The following IL1RAPL1 variants were observed in gnomAD, a reference collection of about 807,000 sequenced individuals.
The protein encoded by IL1RAPL1 is interleukin 1 receptor accessory protein like 1, also known as interleukin-1 receptor accessory protein-like 1.
IL1RAPL1 carries 3 observed loss-of-function variants against 48.4 expected under a neutral mutation model. The observed-to-expected ratio is 0.06, with a 90% confidence interval of 0.03 to 0.16. The LOEUF is 0.16. Among genes scored for constraint, IL1RAPL1 ranks in the 10% least tolerant of loss-of-function variants. The pLI, the probability that IL1RAPL1 is intolerant of heterozygous loss-of-function variation, is 1.00. For synonymous variants in IL1RAPL1, 185 were observed against 187.7 expected (o/e 0.99, Z 0.12); for missense variants, 349 against 530.6 (o/e 0.66, Z 3.36).
chrX:29,671,815 C>T lies in IL1RAPL1; in HGVS notation c.778+3311C>T, dbSNP rs191973150. The stretch of plus-strand genomic sequence containing the variant: ...GGACAGAGAGCATATTCTATCGCTA[C>T]CAGACTTTCAAAGAGTAGAAATCCA... On this transcript the variant is annotated intron_variant, in intron 6 of 10. Coordinates refer to ENST00000378993, the MANE Select transcript of IL1RAPL1 (RefSeq NM_014271.4). 4.5e-5 allele frequency among the ~76,000 whole-genome samples: 5 copies of T among 112,044 alleles called. No individual in the cohort carries two copies. In the East Asian group the frequency reaches 1.4e-3, roughly 32 times the overall value.
At chrX:28,608,657 T>C (rs1457924547) in intron 1 of IL1RAPL1, among the ~76,000 whole-genome samples, 1 of 111,655 alleles carries the variant, frequency 9.0e-6, no homozygotes, top group Admixed American at 9.6e-5. Context: ...GAATTCTAAG[T>C]TTTGCAGGCA....
At chrX:29,256,140 A>C (rs1201552075) in intron 2 of IL1RAPL1, among the ~76,000 whole-genome samples, 4 of 111,431 alleles carry the variant, frequency 3.6e-5, no homozygotes, top group Non-Finnish European at 7.6e-5. Flanking sequence ...ACTTTTTAAT[A>C]ATAGACATTC....
chrX:28,789,575 A>G (rs886430335), intron 2 of IL1RAPL1, 150 bp downstream of exon 2: 7 of 482,353 alleles, frequency 1.5e-5, no homozygotes, highest in Middle Eastern at 1.1e-3. Flanking sequence ...TAGGTGGAGC[A>G]CACTCATAGG....
At position 29,563,984 on chromosome X, in the gene IL1RAPL1, A is replaced by G. The variant is rs768364800; in HGVS notation, c.704-104446A>G. On this transcript the variant is annotated intron_variant, in intron 5 of 10. Coordinates refer to ENST00000378993, the MANE Select transcript of IL1RAPL1 (RefSeq NM_014271.4). Reference sequence around the variant, plus strand: ...CTTTACTGCATGGACAGTTGTATTCATTAAATATATAGAAAGGTCATGGCT... The same window carrying G: ...CTTTACTGCATGGACAGTTGTATTCGTTAAATATATAGAAAGGTCATGGCT... Among the ~76,000 whole-genome samples the G allele has an allele frequency of 3.6e-5, 4 of 112,007 alleles. No individual in the cohort carries two copies. In the South Asian group the frequency reaches 1.5e-3, roughly 42 times the overall value.
chrX:29,489,619 A>G lies in IL1RAPL1; in HGVS notation c.703+90311A>G, dbSNP rs188265497. ...AGAGTAGTTTCTTATAAAAATGTAT[A>G]GTTTTGTTTTAATTAGTAATCCACC... On this transcript the variant is annotated intron_variant, in intron 5 of 10. Transcript: ENST00000378993. Among the ~76,000 whole-genome samples the G allele has an allele frequency of 2.7e-3, 307 of 112,052 alleles. 1 individual carries two copies. Among genetic ancestry groups the G allele is most frequent in the East Asian group, 0.021 (75 of 3,597 alleles).
chrX:29,204,000 C>G (rs905602101), intron 2 of IL1RAPL1, among the ~76,000 whole-genome samples: 1 of 109,624 alleles, frequency 9.1e-6, no homozygotes, highest in Admixed American at 9.8e-5. Flanking sequence ...ATAATGACCT[C>G]CAAATATCCA....
chrX:29,613,130 A>C (rs1294789959), intron 5 of IL1RAPL1, among the ~76,000 whole-genome samples: 1 of 112,430 alleles, frequency 8.9e-6, no homozygotes, highest in Non-Finnish European at 1.9e-5. Context: ...TGACAGCCCA[A>C]AGATGTGATT....
rs768108356 is a variant in IL1RAPL1, at chrX:29,711,043, G to GGTGT, written c.778+42560_778+42563dup. ...TCTGAGTCTTTTTATCCATGAGCAT[G>GGTGT]GTGTGTGTGTGTGTGTGTGTGTGTA... On this transcript the variant is annotated intron_variant, in intron 6 of 10. Coordinates refer to ENST00000378993, the MANE Select transcript of IL1RAPL1 (RefSeq NM_014271.4). 3.8e-4 allele frequency among the ~76,000 whole-genome samples: 26 copies of GGTGT among 69,154 alleles called. No individual in the cohort carries two copies. The South Asian group carries it at 7.4e-3, about 20-fold the overall frequency. The allele number at this position is 69,154 out of a possible 115,157, so 60.1% of individuals were successfully genotyped here. A position where few individuals can be genotyped will look rare whatever the true frequency, so the allele number is the denominator to read the frequency against.
chrX:28,655,351 C>A, intron 1 of IL1RAPL1, among the ~76,000 whole-genome samples: 1 of 110,494 alleles, frequency 9.1e-6, no homozygotes, highest in African/African-American at 3.3e-5. Flanking sequence ...AAGTATGCAA[C>A]CATTTCTTTT....
At chrX:29,652,746 G>A (rs1000809394) in intron 5 of IL1RAPL1, among the ~76,000 whole-genome samples, 1 of 111,780 alleles carries the variant, frequency 8.9e-6, no homozygotes, top group African/African-American at 3.2e-5. Flanking sequence ...GTTAACCACA[G>A]ATACATAAGG....
chrX:28,883,186 G>A (rs1922546795), intron 2 of IL1RAPL1, among the ~76,000 whole-genome samples: 2 of 111,434 alleles, frequency 1.8e-5, no homozygotes, highest in South Asian at 3.7e-4. Context: ...TAAAATCTTC[G>A]GCATGTATTC....
At position 28,919,832 on chromosome X, in the gene IL1RAPL1, TAATATACTAGGAC is replaced by T. The variant is rs748314234; in HGVS notation, c.82+130410_82+130422del. On this transcript the variant is annotated intron_variant, in intron 2 of 10. Coordinates refer to ENST00000378993, the MANE Select transcript of IL1RAPL1 (RefSeq NM_014271.4). ...AAAGTATAAAATCCATGTGACCATATAATATACTAGGACAAGAATGCCTGTTAGATTTCAGATT... is the reference window on the plus strand; with the variant it reads ...AAAGTATAAAATCCATGTGACCATATAAGAATGCCTGTTAGATTTCAGATT... 8.5e-3 allele frequency among the ~76,000 whole-genome samples: 961 copies of T among 112,455 alleles called. 4 individuals are homozygous for T. The highest frequency in any genetic ancestry group is 0.013 in the Non-Finnish European group (703 of 53,247).
At chrX:29,402,203 C>T (rs982102320) in intron 5 of IL1RAPL1, among the ~76,000 whole-genome samples, 8 of 111,799 alleles carry the variant, frequency 7.2e-5, no homozygotes. Flanking sequence ...GCCTTACCCA[C>T]ATTGAAGTTC....
chrX:29,342,112 TTGTGTG>T (rs753779178), intron 3 of IL1RAPL1, among the ~76,000 whole-genome samples: 1,213 of 87,646 alleles, frequency 0.014, 17 homozygotes, highest in South Asian at 0.046. Context: ...CGGCCTTGTT[TTGTGTG>T]TGTGTGTGTG....
At chrX:29,952,533 G>C (rs1386833049) in intron 9 of IL1RAPL1, among the ~76,000 whole-genome samples, 1 of 111,842 alleles carries the variant, frequency 8.9e-6, no homozygotes, top group African/African-American at 3.2e-5. Flanking sequence ...AATAGTTAAT[G>C]AATATTTTAA....
At chrX:29,057,300 TTGATAATCTATACTA>T (rs1393637354) in intron 2 of IL1RAPL1, among the ~76,000 whole-genome samples, 2 of 112,267 alleles carry the variant, frequency 1.8e-5, no homozygotes, top group Admixed American at 1.9e-4. Context: ...TTTTTAGTCT[TTGATAATCTATACTA>T]ATGGACCACA....
chrX:28,915,575 A>G (rs1187792650), intron 2 of IL1RAPL1, among the ~76,000 whole-genome samples: 7 of 111,722 alleles, frequency 6.3e-5, no homozygotes, highest in Admixed American at 2.9e-4. Context: ...CTAGAAGTAC[A>G]TTATTATTAT....
chrX:29,499,491 T>C (rs1935249659), intron 5 of IL1RAPL1, among the ~76,000 whole-genome samples: 1 of 112,086 alleles, frequency 8.9e-6, no homozygotes, highest in Non-Finnish European at 1.9e-5. Flanking sequence ...AGAACTGTTA[T>C]TCACATATTT....
chrX:29,420,843 A>G (rs903613077), intron 5 of IL1RAPL1, among the ~76,000 whole-genome samples: 4 of 112,339 alleles, frequency 3.6e-5, no homozygotes, highest in East Asian at 2.8e-4. Context: ...AATTTAAAAT[A>G]TAACTATTTT....
Sources: allele counts gnomAD v4.1 joint callset (sites outside exome capture counted in the v4.1 genomes callset), GRCh38; gene constraint gnomAD v4.1.1; transcripts MANE v1.5; gene names NCBI Gene and HGNC (gene_info 2026-07-23, HGNC 2026-07-21).